KDM4C: variants seen among roughly 807,000 people sequenced by gnomAD.
The protein encoded by KDM4C is lysine demethylase 4C.
KDM4C carries 81 observed loss-of-function variants against 129.3 expected under a neutral mutation model. The observed-to-expected ratio is 0.63, with a 90% CI of 0.52 to 0.75. The LOEUF (loss-of-function observed/expected upper bound fraction) is 0.75. Ranked by LOEUF, KDM4C falls within the 30% of genes least tolerant of loss-of-function variation. The pLI, the probability that KDM4C is intolerant of heterozygous loss-of-function variation, is 0.00. For missense variants in KDM4C, 1,457 were observed against 1,304.0 expected (o/e 1.12, Z -1.81); for synonymous variants, 573 against 456.1 (o/e 1.26, Z -3.26).
chr9:6,728,669 A>G (rs189200185), intron 1 of KDM4C, among the ~76,000 whole-genome samples: 2 of 151,594 alleles, frequency 1.3e-5, no homozygotes, highest in African/African-American at 4.9e-5. Flanking sequence ...ACATGGGGAA[A>G]CCCCATCTCT....
chr9:6,829,522 T>C (rs1263913580), intron 4 of KDM4C, among the ~76,000 whole-genome samples: 1 of 152,140 alleles, frequency 6.6e-6, no homozygotes, highest in Non-Finnish European at 1.5e-5. Flanking sequence ...ACTTTGGAGA[T>C]CATCTGGTAT....
chr9:6,764,284 G>A (rs72699620), intron 1 of KDM4C, among the ~76,000 whole-genome samples: 2,332 of 152,268 alleles, frequency 0.015, 26 homozygotes, highest in Non-Finnish European at 0.026. Context: ...ATGTAGCATA[G>A]AACAGAATAT....
At chr9:7,142,158 A>G (rs567880636) in intron 19 of KDM4C, among the ~76,000 whole-genome samples, 2 of 152,356 alleles carry the variant, frequency 1.3e-5, no homozygotes, top group Middle Eastern at 3.4e-3. Flanking sequence ...GCCTCACTAT[A>G]TAGCTGATTC....
intron 1 of KDM4C, among the ~76,000 whole-genome samples, chr9:6,785,580 G>T (rs559656856): frequency 2.0e-5 from 3 of 152,096 alleles, no homozygotes; most frequent in South Asian, 2.1e-4. Context: ...CTGGTGATCT[G>T]CCCACCTTGG....
chr9:6,965,195 G>A (rs1051463430), intron 8 of KDM4C, among the ~76,000 whole-genome samples: 1 of 151,864 alleles, frequency 6.6e-6, no homozygotes, highest in African/African-American at 2.4e-5. Context: ...GGCTCTGGCT[G>A]TGTAAGCATA....
chr9:6,876,390 G>A (rs1563742838), intron 5 of KDM4C, among the ~76,000 whole-genome samples: 1 of 152,080 alleles, frequency 6.6e-6, no homozygotes, highest in Admixed American at 6.5e-5. Context: ...TGACTCAGTC[G>A]ATCTGTTCCG....
chr9:7,166,614 A>G (rs1157484311), intron 20 of KDM4C, among the ~76,000 whole-genome samples: 1 of 152,216 alleles, frequency 6.6e-6, no homozygotes, highest in African/African-American at 2.4e-5. Context: ...GACAGGCTAT[A>G]ATACCGGAGG....
chr9:7,084,218 C>A (rs1163230685), intron 17 of KDM4C, among the ~76,000 whole-genome samples: 2 of 152,146 alleles, frequency 1.3e-5, no homozygotes, highest in African/African-American at 2.4e-5. Flanking sequence ...GCTTTCGGAG[C>A]CACTACATGG....
At chr9:6,891,911 C>T (rs1279365962) in intron 7 of KDM4C, among the ~76,000 whole-genome samples, 2 of 152,022 alleles carry the variant, frequency 1.3e-5, no homozygotes, top group Non-Finnish European at 2.9e-5. Flanking sequence ...TTTGTCAAAA[C>T]AGATCAAACT....
chr9:6,757,856 G>A (rs1667332958), upstream of KDM4C: 1 of 985,654 alleles, frequency 1.0e-6, no homozygotes, highest in Non-Finnish European at 1.2e-6. Context: ...CCACAGCGCG[G>A]AAGTTGAGCC....
At chr9:6,923,790 G>T (rs1194632952) in intron 8 of KDM4C, among the ~76,000 whole-genome samples, 3 of 152,158 alleles carry the variant, frequency 2.0e-5, no homozygotes, top group African/African-American at 4.8e-5. Flanking sequence ...AATGCTTCCT[G>T]TGTCAATGAC....
intron 1 of KDM4C, among the ~76,000 whole-genome samples, chr9:6,746,573 T>G (rs1180854459): frequency 6.7e-6 from 1 of 149,648 alleles, no homozygotes; most frequent in Non-Finnish European, 1.5e-5. Flanking sequence ...CCGGCCCATT[T>G]TGTATTTTAA....
intron 6 of KDM4C, among the ~76,000 whole-genome samples, chr9:6,886,071 T>G (rs10114023): frequency 0.16 from 24,764 of 152,196 alleles, 2,789 homozygotes; most frequent in East Asian, 0.35. Context: ...TTGAATTGTT[T>G]ATAAAAACGT....
chr9:6,981,142 C>T, intron 9 of KDM4C, 24 bp downstream of exon 9: 1 of 1,561,964 alleles, frequency 6.4e-7, no homozygotes, highest in South Asian at 1.2e-5. Flanking sequence ...ACCCCACTGA[C>T]CTGCCTTGCC....
intron 11 of KDM4C, among the ~76,000 whole-genome samples, chr9:6,988,024 G>T (rs887041949): frequency 6.6e-6 from 1 of 151,494 alleles, no homozygotes; most frequent in South Asian, 2.1e-4. Flanking sequence ...ATTTAGTGGT[G>T]TGTGCCTGTG....
chr9:7,150,585 C>T (rs1842640359), intron 19 of KDM4C, among the ~76,000 whole-genome samples: 1 of 152,186 alleles, frequency 6.6e-6, no homozygotes, highest in Non-Finnish European at 1.5e-5. Context: ...GCCCAGAGGA[C>T]ACACTCAGAG....
intron 17 of KDM4C, among the ~76,000 whole-genome samples, chr9:7,064,741 A>T (rs1318338582): frequency 3.3e-5 from 5 of 152,150 alleles, no homozygotes; most frequent in African/African-American, 1.2e-4. Flanking sequence ...TTAGAATCTT[A>T]CTGCTCCTAG....
chr9:6,837,587 C>G (rs775115469), intron 4 of KDM4C, among the ~76,000 whole-genome samples: 6 of 152,214 alleles, frequency 3.9e-5, no homozygotes, highest in Non-Finnish European at 7.3e-5. Context: ...TTGCACCTCT[C>G]TGATTAAAAA....
chr9:6,767,392 C>T (rs1820849574), intron 1 of KDM4C, among the ~76,000 whole-genome samples: 1 of 152,058 alleles, frequency 6.6e-6, no homozygotes, highest in Non-Finnish European at 1.5e-5. Flanking sequence ...CCGCCTGCCT[C>T]AGCCTCCCAA....
Sources: allele counts gnomAD v4.1 joint callset (sites outside exome capture counted in the v4.1 genomes callset), GRCh38; gene constraint gnomAD v4.1.1; transcripts MANE v1.5; gene names NCBI Gene and HGNC (gene_info 2026-07-23, HGNC 2026-07-21).